SYT1: variants seen among roughly 807,000 people sequenced by gnomAD.
SYT1 encodes synaptotagmin 1.
Under a neutral mutation model 44.8 loss-of-function variants are expected in SYT1, and 8 were observed. The ratio of observed to expected loss-of-function variants is 0.18; its 90% CI spans 0.10 to 0.32. The LOEUF is 0.32. Among genes scored for constraint, SYT1 ranks in the 10% least tolerant of loss-of-function variants. The probability of loss-of-function intolerance (pLI) is 1.00; values close to 1 mark genes in which losing one functional copy is unlikely to be tolerated. For synonymous variants in SYT1, 154 were observed against 188.8 expected, an observed-to-expected ratio of 0.82 and a Z score of 1.51; for missense variants, 286 against 509.3, an observed-to-expected ratio of 0.56 and a Z score of 4.22.
At chr12:79,116,563 T>A (rs763933871) in intron 3 of SYT1, among the ~76,000 whole-genome samples, 1 of 152,160 alleles carries the variant, frequency 6.6e-6, no homozygotes, top group Non-Finnish European at 1.5e-5. Flanking sequence ...GTGGGTGAAC[T>A]AAGGATTCAA....
chr12:79,045,720 A>G (rs1366184583), intron 2 of SYT1: 1 of 152,248 alleles, frequency 6.6e-6, no homozygotes, highest in African/African-American at 2.4e-5. Flanking sequence ...TCCTTGTGAT[A>G]GATATGCATG....
chr12:79,378,968 CAT>C (rs1431014652), intron 9 of SYT1, among the ~76,000 whole-genome samples: 2 of 152,144 alleles, frequency 1.3e-5, no homozygotes, highest in Non-Finnish European at 2.9e-5. Flanking sequence ...AAAATTAGTA[CAT>C]GTTTGAAAAC....
intron 1 of SYT1, among the ~76,000 whole-genome samples, chr12:78,949,623 T>A (rs1345075657): frequency 6.6e-6 from 1 of 152,008 alleles, no homozygotes; most frequent in Non-Finnish European, 1.5e-5. Flanking sequence ...ATATCCAAGA[T>A]GGGTTATTGC....
rs559516561 is a variant in SYT1, at chr12:79,353,631, G to T, written c.928+12G>T. The T allele has an allele frequency of 9.4e-6, 15 of 1,598,078 alleles. No individual in the cohort carries two copies. In the South Asian group the frequency reaches 1.7e-4, roughly 18 times the overall value. ...GGGTGGCTTATCCGGTAAGCCTGCA[G>T]TGTTTATTGATTTTTTTCAAATGCT... On this transcript the variant is annotated intron_variant, in intron 9 of 10. Transcript: ENST00000261205.
intron 3 of SYT1, among the ~76,000 whole-genome samples, chr12:79,153,545 A>G (rs569379466): frequency 1.3e-5 from 2 of 152,316 alleles, no homozygotes; most frequent in African/African-American, 4.8e-5. Context: ...AAAAATAAAC[A>G]TAAGCACAGA....
At chr12:79,307,644 G>T (rs537184092) in intron 8 of SYT1, among the ~76,000 whole-genome samples, 41 of 151,358 alleles carry the variant, frequency 2.7e-4, no homozygotes, top group Middle Eastern at 3.4e-3. Flanking sequence ...GCGTGGGGGG[G>T]GGCGGCAGGA....
At chr12:78,986,351 TTG>T (rs1285862993) in intron 2 of SYT1, among the ~76,000 whole-genome samples, 3 of 151,978 alleles carry the variant, frequency 2.0e-5, no homozygotes, top group African/African-American at 7.2e-5. Context: ...AAAATATCTA[TTG>T]TGTTTTTCCC....
intron 3 of SYT1, among the ~76,000 whole-genome samples, chr12:79,054,597 G>T (rs140454708): frequency 6.6e-6 from 1 of 151,954 alleles, no homozygotes; most frequent in African/African-American, 2.4e-5. Flanking sequence ...GTACAACTTT[G>T]GAAATTCATT....
intron 2 of SYT1, among the ~76,000 whole-genome samples, chr12:79,011,890 G>C (rs1228953991): frequency 1.3e-5 from 2 of 152,060 alleles, no homozygotes; most frequent in Non-Finnish European, 2.9e-5. Flanking sequence ...CCAGCACTTT[G>C]CGGGGCTGAG....
intron 9 of SYT1, among the ~76,000 whole-genome samples, chr12:79,422,503 G>A (rs1869181135): frequency 6.6e-6 from 1 of 151,066 alleles, no homozygotes; most frequent in Admixed American, 6.6e-5. Context: ...AATTTCCATA[G>A]ACTCTAACTT....
intron 9 of SYT1, among the ~76,000 whole-genome samples, chr12:79,388,053 T>C (rs573148486): frequency 6.6e-6 from 1 of 152,356 alleles, no homozygotes; most frequent in East Asian, 1.9e-4. Context: ...TGCTATCTCA[T>C]GAAGACCAGT....
chr12:79,255,581 G>A (rs141224336), intron 4 of SYT1, among the ~76,000 whole-genome samples: 4 of 152,246 alleles, frequency 2.6e-5, no homozygotes, highest in Admixed American at 1.3e-4. Flanking sequence ...ATCTGGGAAA[G>A]GAACCTACTA....
rs563353686 is a variant in SYT1 at position 79,368,142 on chromosome 12, G to A, written c.928+14523G>A. ...AATTCCCACCTATGAGTGAGAACAC[G>A]CGGTGTTTGATTTTTTTTCCTTGCA... On this transcript the variant is annotated intron_variant, in intron 9 of 10. Coordinates refer to ENST00000261205, the MANE Select transcript of SYT1 (RefSeq NM_005639.3). 1.5e-4 allele frequency among the ~76,000 whole-genome samples: 23 copies of A among 148,648 alleles called. No individual in the cohort carries two copies. The East Asian group carries it at 3.2e-3, about 21-fold the overall frequency.
At chr12:79,063,825 A>T (rs574391037) in intron 3 of SYT1, among the ~76,000 whole-genome samples, 1 of 152,264 alleles carries the variant, frequency 6.6e-6, no homozygotes, top group African/African-American at 2.4e-5. Flanking sequence ...CACCAAAGCA[A>T]ACCCACTCAC....
At chr12:79,318,176 C>A (rs1353158256) in intron 8 of SYT1, among the ~76,000 whole-genome samples, 1 of 152,104 alleles carries the variant, frequency 6.6e-6, no homozygotes, top group Non-Finnish European at 1.5e-5. Flanking sequence ...GGCCTGGAAC[C>A]AGAGGCCAAC....
In SYT1 at chr12:79,123,309, A is replaced by ATGTGTGTGTGTG. The variant is rs66869713; in HGVS notation, c.-18+75979_-18+75990dup. Among the ~76,000 whole-genome samples, 484 of 141,614 alleles carry ATGTGTGTGTGTG rather than the reference A, an allele frequency of 3.4e-3. 2 individuals are homozygous for ATGTGTGTGTGTG. Among genetic ancestry groups the ATGTGTGTGTGTG allele is most frequent in the African/African-American group, 6.3e-3 (241 of 38,452 alleles). The allele number at this position is 141,614 out of a possible 152,430, so 92.9% of individuals were successfully genotyped here. On this transcript the variant is annotated intron_variant, in intron 3 of 10. Coordinates refer to ENST00000261205, the MANE Select transcript of SYT1 (RefSeq NM_005639.3). The stretch of plus-strand genomic sequence containing the variant: ...TGTTACATGTATCTCTAAAAATGCA[A>ATGTGTGTGTGTG]TGTGTGTGTGTGTGTGTGTGTGTGT...
At chr12:79,181,693 A>G (rs2138414865) in intron 3 of SYT1, among the ~76,000 whole-genome samples, 1 of 152,158 alleles carries the variant, frequency 6.6e-6, no homozygotes, top group Middle Eastern at 3.4e-3. Flanking sequence ...ATGAGACACC[A>G]ATGGGCTTTC....
intron 4 of SYT1, among the ~76,000 whole-genome samples, chr12:79,223,819 C>T (rs1211784548): frequency 5.3e-5 from 8 of 152,138 alleles, no homozygotes; most frequent in African/African-American, 2.4e-5. Flanking sequence ...AATATAAGGC[C>T]GTGGTAGTCT....
At position 79,021,293 on chromosome 12, in the gene SYT1, G is replaced by T. The variant is rs1872173390; in HGVS notation, c.-83-26004G>T. On this transcript the variant is annotated intron_variant, in intron 2 of 10. Transcript: ENST00000261205. Reference sequence around the variant, plus strand: ...TGTTGAGAAAAGAAATGGAGCTAAAGCATAGAGATTCTATCATGAGCCTAG... The same window carrying T: ...TGTTGAGAAAAGAAATGGAGCTAAATCATAGAGATTCTATCATGAGCCTAG... 1.3e-5 allele frequency among the ~76,000 whole-genome samples: 2 copies of T among 151,960 alleles called. 1 individual carries two copies. Among genetic ancestry groups the T allele is most frequent in the East Asian group, 3.9e-4 (2 of 5,144 alleles).
Sources: gnomAD v4.1 joint callset for allele counts (sites outside exome capture counted in the v4.1 genomes callset) on GRCh38, gnomAD v4.1.1 for gene constraint, MANE v1.5 for transcripts, NCBI Gene and HGNC (gene_info 2026-07-23, HGNC 2026-07-21) for gene names.